ASCC3: variants seen among roughly 807,000 people sequenced by gnomAD.
ASCC3 encodes the protein ASC-1 complex subunit P200.
ASCC3 carries 158 observed loss-of-function variants against 256.3 expected under a neutral mutation model. That is an observed-to-expected ratio of 0.62 (90% confidence interval 0.54 to 0.70). The LOEUF (loss-of-function observed/expected upper bound fraction) is 0.70, where lower values mean the gene tolerates loss of function less well. Among genes scored for constraint, ASCC3 ranks in the 30% least tolerant of loss-of-function variants. The pLI is 0.00. For missense variants in ASCC3, 2,259 were observed against 2,626.0 expected (o/e 0.86, Z 3.05); for synonymous variants, 948 against 883.4 (o/e 1.07, Z -1.30).
intron 25 of ASCC3, among the ~76,000 whole-genome samples, chr6:100,634,403 T>C (rs1292464304): frequency 6.6e-6 from 1 of 152,084 alleles, no homozygotes; most frequent in African/African-American, 2.4e-5. Flanking sequence ...ATCTCTCCCT[T>C]CCCCCTACCC....
rs775398631 is a variant in ASCC3 at position 100,867,958 on chromosome 6, A to G, written c.40T>C (p.Ser14Pro). The G allele has an allele frequency of 8.7e-6, 14 of 1,613,646 alleles. No homozygotes were observed. Among genetic ancestry groups the G allele is most frequent in the Non-Finnish European group, 1.2e-5 (14 of 1,179,766 alleles). Residue 14 changes from serine to proline, a missense_variant, in exon 2 of 42, where the codon TCA becomes CCA. This residue lies in a region of ASCC3 where 420 missense variants were observed against 419.3 expected (regional missense o/e 1.00). Transcript: ENST00000369162. ...PRLTGALRSF[S>P]NVTKQDNYNE... ...TAATTATCTTGCTTGGTGACATTTGAAAAGGAACGCAAGGCTCCTGTGAGA... is the reference window on the plus strand; with the variant it reads ...TAATTATCTTGCTTGGTGACATTTGGAAAGGAACGCAAGGCTCCTGTGAGA...
chr6:100,797,136 CAAT>C (rs754850952), intron 8 of ASCC3, among the ~76,000 whole-genome samples: 83 of 151,994 alleles, frequency 5.5e-4, no homozygotes, highest in South Asian at 1.5e-3. Context: ...AAATAAATGT[CAAT>C]GATGTTTTTT....
intron 4 of ASCC3, among the ~76,000 whole-genome samples, chr6:100,810,337 T>C (rs752012259): frequency 1.6e-4 from 25 of 152,174 alleles, no homozygotes; most frequent in Non-Finnish European, 3.1e-4. Context: ...GCTTTCTCTA[T>C]CTTTACTATG....
chr6:100,656,317 C>T (rs1207583849), intron 16 of ASCC3, among the ~76,000 whole-genome samples: 4 of 151,588 alleles, frequency 2.6e-5, no homozygotes, highest in East Asian at 3.9e-4. Context: ...TCCCAAGACA[C>T]GAATTTGCAG....
At chr6:100,527,836 TTTTTTTTTGTTG>T (rs1774661414) in intron 37 of ASCC3, among the ~76,000 whole-genome samples, 2 of 151,934 alleles carry the variant, frequency 1.3e-5, no homozygotes, top group African/African-American at 4.8e-5. Context: ...CTTCTTTGTT[TTTTTTTTTGTTG>T]TTTTTTTTAA....
At chr6:100,633,757 C>T (rs1029334433) in intron 25 of ASCC3, among the ~76,000 whole-genome samples, 2 of 151,594 alleles carry the variant, frequency 1.3e-5, no homozygotes, top group Non-Finnish European at 2.9e-5. Flanking sequence ...GCCTGTAATC[C>T]CAGCTACTCG....
intron 26 of ASCC3, among the ~76,000 whole-genome samples, chr6:100,630,292 T>C (rs1774470426): frequency 6.6e-6 from 1 of 152,156 alleles, no homozygotes. Flanking sequence ...TTCTTGTTTA[T>C]TTTAAAGATT....
At chr6:100,746,241 T>C (rs1003425638) in intron 10 of ASCC3, among the ~76,000 whole-genome samples, 48 of 151,220 alleles carry the variant, frequency 3.2e-4, no homozygotes, top group Non-Finnish European at 4.4e-5. Context: ...CCCGGTGATC[T>C]ACTCCATAGA....
chr6:100,733,371 C>T (rs1779997019), intron 10 of ASCC3, among the ~76,000 whole-genome samples: 1 of 152,068 alleles, frequency 6.6e-6, no homozygotes, highest in Non-Finnish European at 1.5e-5. Context: ...ACGTCAGATC[C>T]CTTATGAATA....
Position 100,516,334 on chromosome 6 carries a change from A to T in ASCC3, c.5928-7T>A. ...CATAATCGGCTTCCATTTCCTAGGA[A>T]ATAATATCAAACCAACCAAATAATT... On this transcript the variant is annotated splice_polypyrimidine_tract_variant and splice_region_variant and intron_variant, in intron 38 of 41. Transcript: ENST00000369162. 4 of 1,613,528 alleles carry T rather than the reference A, an allele frequency of 2.5e-6. No homozygotes were observed. The highest frequency in any genetic ancestry group is 3.4e-6 in the Non-Finnish European group (4 of 1,179,618).
intron 36 of ASCC3, among the ~76,000 whole-genome samples, chr6:100,559,981 C>T (rs935600867): frequency 2.1e-4 from 32 of 151,908 alleles, no homozygotes; most frequent in East Asian, 1.5e-3. Flanking sequence ...ACAAGTGTCA[C>T]GTGGAAATCT....
At chr6:100,869,629 A>G (rs190011356) in intron 1 of ASCC3, among the ~76,000 whole-genome samples, 3 of 152,364 alleles carry the variant, frequency 2.0e-5, no homozygotes, top group Admixed American at 2.0e-4. Flanking sequence ...ATGCTGTCAC[A>G]GACTAAGTAT....
At chr6:100,802,498 T>C (rs534512622) in intron 5 of ASCC3, among the ~76,000 whole-genome samples, 7 of 152,206 alleles carry the variant, frequency 4.6e-5, no homozygotes, top group African/African-American at 1.7e-4. Flanking sequence ...ACCTCTTTTC[T>C]TTATAAATTA....
intron 13 of ASCC3, among the ~76,000 whole-genome samples, chr6:100,701,893 G>C (rs1246322682): frequency 6.6e-6 from 1 of 152,096 alleles, no homozygotes; most frequent in East Asian, 1.9e-4. Context: ...AAAAGTAAAA[G>C]AGCATCACTA....
At chr6:100,590,442 T>A (rs1771947047) in intron 34 of ASCC3, among the ~76,000 whole-genome samples, 2 of 152,084 alleles carry the variant, frequency 1.3e-5, no homozygotes, top group South Asian at 4.1e-4. Context: ...CACTGAGAAG[T>A]TCTTGGCAAA....
chr6:100,611,113 T>C (rs116798861), intron 30 of ASCC3, among the ~76,000 whole-genome samples: 2,140 of 152,250 alleles, frequency 0.014, 40 homozygotes, highest in African/African-American at 0.049. Flanking sequence ...TTCTGTCTTT[T>C]ACACCAGGGA....
At chr6:100,639,711 T>A (rs1381998136) in intron 24 of ASCC3, among the ~76,000 whole-genome samples, 1 of 152,152 alleles carries the variant, frequency 6.6e-6, no homozygotes, top group East Asian at 1.9e-4. Context: ...AAAAATTAAT[T>A]TAAAAAATTA....
intron 4 of ASCC3, among the ~76,000 whole-genome samples, chr6:100,823,014 G>A (rs1385189976): frequency 6.6e-6 from 1 of 151,504 alleles, no homozygotes; most frequent in Non-Finnish European, 1.5e-5. Context: ...ACACAAAAAA[G>A]CACATTATTT....
intron 25 of ASCC3, among the ~76,000 whole-genome samples, chr6:100,637,963 A>T (rs1774927524): frequency 6.6e-6 from 1 of 152,200 alleles, no homozygotes; most frequent in Admixed American, 6.5e-5. Context: ...AATATTACAT[A>T]AACTTAGTTC....
Sources: gnomAD v4.1 joint callset for allele counts (sites outside exome capture counted in the v4.1 genomes callset) on GRCh38, gnomAD v4.1.1 for gene constraint, gnomAD v4.1.1 regional missense constraint, MANE v1.5 for transcripts, NCBI Gene and HGNC (gene_info 2026-07-23, HGNC 2026-07-21) for gene names.